NDUFV2: variants seen among roughly 807,000 people sequenced by gnomAD.
The protein encoded by NDUFV2 is NADH:ubiquinone oxidoreductase core subunit V2.
In NDUFV2, 18 loss-of-function variants were observed where a neutral mutation model predicts 31.6. That is an observed-to-expected ratio of 0.57 (90% confidence interval 0.39 to 0.84). The LOEUF (loss-of-function observed/expected upper bound fraction) is 0.84, where lower values mean the gene tolerates loss of function less well. Ranked by LOEUF, NDUFV2 falls within the 40% of genes least tolerant of loss-of-function variation. The probability of loss-of-function intolerance (pLI) is 0.00; values close to 1 mark genes in which losing one functional copy is unlikely to be tolerated. For missense variants in NDUFV2, 314 were observed against 303.6 expected (o/e 1.03, Z -0.26); for synonymous variants, 83 against 99.8 (o/e 0.83, Z 1.01).
chr18:9,103,106 C>T (rs1048393996), intron 1 of NDUFV2: 5 of 411,726 alleles, frequency 1.2e-5, no homozygotes, highest in East Asian at 1.1e-4. Context: ...GAATCTAGGC[C>T]TGCTCTGGCC....
intron 2 of NDUFV2, among the ~76,000 whole-genome samples, chr18:9,118,815 G>GTTTTTTT (rs71168030): frequency 1.7e-4 from 13 of 76,744 alleles, no homozygotes; most frequent in African/African-American, 2.0e-4. Flanking sequence ...AGATGGTGCT[G>GTTTTTTT]TTTTTTTTTT....
In NDUFV2 at chr18:9,117,804, A is replaced by C. The variant is rs1025594677; in HGVS notation, c.55-34A>C. ...TTATGAAAAATTTTTTAAGGCTATG[A>C]TTTACTAAACTTTCTTAAAATTTTA... On this transcript the variant is annotated intron_variant, in intron 1 of 7. Coordinates refer to ENST00000318388, the MANE Select transcript of NDUFV2 (RefSeq NM_021074.5). 5.3e-6 allele frequency: 7 copies of C among 1,310,580 alleles called. No homozygotes were observed. In the Admixed American group the frequency reaches 1.0e-4, roughly 19 times the overall value. 81.2% of individuals were successfully genotyped at this position (1,310,580 alleles called of 1,614,324 possible).
intron 1 of NDUFV2, among the ~76,000 whole-genome samples, chr18:9,108,456 CCTT>C (rs990270137): frequency 6.6e-6 from 1 of 152,052 alleles, no homozygotes; most frequent in Admixed American, 6.6e-5. Flanking sequence ...AGTTTTTCCC[CCTT>C]CTTTGAGCCT....
chr18:9,132,035 GTGAA>G (rs1166467437), intron 7 of NDUFV2, among the ~76,000 whole-genome samples: 1 of 152,158 alleles, frequency 6.6e-6, no homozygotes, highest in Non-Finnish European at 1.5e-5. Context: ...GGTACACTGT[GTGAA>G]TGGCGAGGAA....
rs747436424 is a variant in NDUFV2 at position 9,102,710 on chromosome 18, G to T, written c.-34G>T. 2.5e-6 allele frequency: 4 copies of T among 1,570,190 alleles called. No homozygotes were observed. The South Asian group carries it at 4.7e-5, about 18-fold the overall frequency. ...TGGGCGCGCTCGGGATTCTCGCCTGGCGCGGCTGGGGAAGGTGAACAGTGT... is the reference window on the plus strand; with the variant it reads ...TGGGCGCGCTCGGGATTCTCGCCTGTCGCGGCTGGGGAAGGTGAACAGTGT... On this transcript the variant is annotated 5_prime_UTR_variant, in exon 1 of 8. Transcript: ENST00000318388.
intron 5 of NDUFV2, among the ~76,000 whole-genome samples, chr18:9,123,820 T>C (rs889611521): frequency 1.3e-5 from 2 of 152,222 alleles, no homozygotes; most frequent in Non-Finnish European, 2.9e-5. Context: ...AAACAGTTAC[T>C]TTGATGTACA....
chr18:9,111,843 T>C (rs574192455), intron 1 of NDUFV2, among the ~76,000 whole-genome samples: 2 of 151,996 alleles, frequency 1.3e-5, no homozygotes, highest in Non-Finnish European at 1.5e-5. Flanking sequence ...TTTTGCTATA[T>C]TGTCTCTCCA....
At chr18:9,113,259 G>C (rs566844516) in intron 1 of NDUFV2, among the ~76,000 whole-genome samples, 35 of 152,264 alleles carry the variant, frequency 2.3e-4, no homozygotes, top group African/African-American at 7.7e-4. Context: ...TCCAGATCTT[G>C]ATTCCTCTCC....
chr18:9,106,189 C>T (rs1401965888), intron 1 of NDUFV2, among the ~76,000 whole-genome samples: 1 of 152,210 alleles, frequency 6.6e-6, no homozygotes, highest in Non-Finnish European at 1.5e-5. Context: ...ATAGGGCTCC[C>T]TCCCCCTTTC....
Position 9,134,245 on chromosome 18 carries a change from A to C in NDUFV2, c.716A>C (p.Lys239Thr), listed in dbSNP as rs1391027813. ...CTTACCTCTTTGACTGAACCACCCA[A>C]GGGACCTGGATTTGGTGTACAAGCA... is the stretch of plus-strand genomic sequence containing the variant. Reference protein sequence around the residue: ...GGLTSLTEPPKGPGFGVQAGL With the variant: ...GGLTSLTEPPTGPGFGVQAGL The change falls in exon 8 of 8, where the codon AAG becomes ACG. Residue 239 changes from lysine (K) to threonine (T), a missense_variant. Lys to Thr is a moderately conservative substitution (Grantham distance 78). Transcript: ENST00000318388. 1 of 1,613,030 alleles carries C rather than the reference A, an allele frequency of 6.2e-7. No homozygotes were observed. The highest frequency in any genetic ancestry group is 8.5e-7 in the Non-Finnish European group (1 of 1,179,884).
At chr18:9,118,387 T>C (rs1486612210) in intron 2 of NDUFV2, among the ~76,000 whole-genome samples, 2 of 152,148 alleles carry the variant, frequency 1.3e-5, no homozygotes, top group Non-Finnish European at 1.5e-5. Flanking sequence ...GGATAAGATA[T>C]TATATCTCCC....
At position 9,122,477 on chromosome 18, in the gene NDUFV2, G is replaced by A. The variant is rs566493230; in HGVS notation, c.301-36G>A. The A allele has an allele frequency of 2.6e-5, 40 of 1,523,864 alleles. No individual in the cohort carries two copies. In the South Asian group the frequency reaches 3.7e-4, roughly 14 times the overall value. The allele number at this position is 1,523,864 out of a possible 1,614,324, so 94.4% of individuals were successfully genotyped here. A position where few individuals can be genotyped will look rare whatever the true frequency, so the allele number is the denominator to read the frequency against. On this transcript the variant is annotated intron_variant, in intron 4 of 7. Coordinates refer to ENST00000318388, the MANE Select transcript of NDUFV2 (RefSeq NM_021074.5). ...TAATTAAAGCTCCATTACTAACACT[G>A]TAATTATCTTATTTTTAAATGTCCT...
chr18:9,130,655 T>C (rs2078032301), intron 7 of NDUFV2, among the ~76,000 whole-genome samples: 1 of 149,080 alleles, frequency 6.7e-6, no homozygotes, highest in Admixed American at 6.6e-5. Context: ...ATAATATAGT[T>C]ATAGTTATTC....
At chr18:9,123,128 A>G (rs895086829) in intron 5 of NDUFV2, among the ~76,000 whole-genome samples, 1 of 152,256 alleles carries the variant, frequency 6.6e-6, no homozygotes, top group Non-Finnish European at 1.5e-5. Flanking sequence ...TTATTACAGT[A>G]GCATTTGAAA....
intron 1 of NDUFV2, among the ~76,000 whole-genome samples, chr18:9,114,753 C>T (rs1001639475): frequency 6.6e-6 from 1 of 152,182 alleles, no homozygotes; most frequent in African/African-American, 2.4e-5. Context: ...TGACCCTTCT[C>T]AATCAGTAGT....
intron 7 of NDUFV2, among the ~76,000 whole-genome samples, chr18:9,127,979 C>A (rs1031134125): frequency 1.3e-5 from 2 of 152,204 alleles, no homozygotes; most frequent in Non-Finnish European, 2.9e-5. Context: ...ACCTGTGTTA[C>A]ATTAATTACT....
At chr18:9,117,016 C>T (rs1163448950) in intron 1 of NDUFV2, among the ~76,000 whole-genome samples, 1 of 151,206 alleles carries the variant, frequency 6.6e-6, no homozygotes, top group Admixed American at 6.6e-5. Flanking sequence ...CGCATAGCAT[C>T]ATAAATAGCT....
chr18:9,124,762 T>G, intron 5 of NDUFV2, 112 bp from the exon 6 acceptor site: 3 of 1,170,978 alleles, frequency 2.6e-6, no homozygotes, highest in East Asian at 2.6e-5. Context: ...TTTAAAAAAC[T>G]TAATAGTCTT....
intron 1 of NDUFV2, among the ~76,000 whole-genome samples, chr18:9,116,389 G>C (rs2144738193): frequency 6.6e-6 from 1 of 152,188 alleles, no homozygotes; most frequent in African/African-American, 2.4e-5. Context: ...TTTTCTCTCA[G>C]AATTTAGTTA....
Sources: gnomAD v4.1 joint callset for allele counts (sites outside exome capture counted in the v4.1 genomes callset) on GRCh38, gnomAD v4.1.1 for gene constraint, MANE v1.5 for transcripts, NCBI Gene and HGNC (gene_info 2026-07-23, HGNC 2026-07-21) for gene names.